Variants in GPR39 observed in about 807,000 individuals in gnomAD.
GPR39 encodes G protein-coupled receptor 39.
Under a neutral mutation model 18.4 loss-of-function variants are expected in GPR39, and 23 were observed. That is an observed-to-expected ratio of 1.25 (90% CI 0.90 to 1.77). GPR39 has a LOEUF of 1.77. GPR39 is among the 40% of genes most tolerant of loss of function. GPR39 has a pLI of 0.00. For synonymous variants in GPR39, 280 were observed against 257.9 expected (o/e 1.09, Z -0.82); for missense variants, 647 against 602.4 (o/e 1.07, Z -0.78).
At chr2:132,437,878 G>A (rs1011347276) in intron 1 of GPR39, among the ~76,000 whole-genome samples, 20 of 152,172 alleles carry the variant, frequency 1.3e-4, no homozygotes, top group Admixed American at 5.2e-4. Flanking sequence ...ATGTGACCTC[G>A]GGCAACATAC....
At chr2:132,630,164 G>A (rs150116986) in intron 1 of GPR39, among the ~76,000 whole-genome samples, 23 of 152,220 alleles carry the variant, frequency 1.5e-4, no homozygotes, top group Non-Finnish European at 2.8e-4. Flanking sequence ...CTCACATGGC[G>A]GTGCAAAGAC....
At chr2:132,614,717 AT>A (rs1023724473) in intron 1 of GPR39, among the ~76,000 whole-genome samples, 14 of 151,326 alleles carry the variant, frequency 9.3e-5, no homozygotes, top group African/African-American at 3.2e-4. Context: ...CACCAGGCTA[AT>A]TTTTTTTATC....
chr2:132,506,181 T>C (rs914694745), intron 1 of GPR39, among the ~76,000 whole-genome samples: 5 of 152,100 alleles, frequency 3.3e-5, no homozygotes, highest in Non-Finnish European at 5.9e-5. Context: ...CATATACTTA[T>C]CAGCCATTTC....
At chr2:132,419,009 A>G (rs942916743) in intron 1 of GPR39, among the ~76,000 whole-genome samples, 72 of 152,312 alleles carry the variant, frequency 4.7e-4, no homozygotes, top group African/African-American at 1.7e-3. Flanking sequence ...AGGCACTTGG[A>G]GAATGATGGA....
At chr2:132,511,633 C>T (rs1679242534) in intron 1 of GPR39, among the ~76,000 whole-genome samples, 1 of 152,170 alleles carries the variant, frequency 6.6e-6, no homozygotes, top group South Asian at 2.1e-4. Flanking sequence ...GTCATATTTG[C>T]TGCGGAAGGT....
intron 1 of GPR39, among the ~76,000 whole-genome samples, chr2:132,448,750 T>A (rs1399589944): frequency 6.6e-6 from 1 of 152,210 alleles, no homozygotes; most frequent in Non-Finnish European, 1.5e-5. Context: ...CTGCAATGTC[T>A]CTTCCATTTC....
chr2:132,422,901 A>G (rs532872486), intron 1 of GPR39, among the ~76,000 whole-genome samples: 225 of 152,100 alleles, frequency 1.5e-3, no homozygotes, highest in African/African-American at 5.2e-3. Context: ...TTCATCTGTC[A>G]GCCTCCTGGG....
intron 1 of GPR39, among the ~76,000 whole-genome samples, chr2:132,577,407 A>C (rs1165633682): frequency 6.6e-6 from 1 of 152,170 alleles, no homozygotes; most frequent in African/African-American, 2.4e-5. Flanking sequence ...TATTAGAATA[A>C]CCTTATCTAT....
intron 1 of GPR39, among the ~76,000 whole-genome samples, chr2:132,564,193 G>A (rs1286198517): frequency 6.6e-6 from 1 of 152,154 alleles, no homozygotes; most frequent in African/African-American, 2.4e-5. Context: ...CTGTGCTGGA[G>A]AGCGCTGGAG....
chr2:132,427,131 C>CATAT (rs199931479), intron 1 of GPR39, among the ~76,000 whole-genome samples: 3,860 of 80,006 alleles, frequency 0.048, 141 homozygotes, highest in African/African-American at 0.082. Context: ...TATATAGGTA[C>CATAT]ATATATATAT....
At chr2:132,501,326 A>G (rs533255803) in intron 1 of GPR39, among the ~76,000 whole-genome samples, 3 of 152,034 alleles carry the variant, frequency 2.0e-5, no homozygotes, top group Non-Finnish European at 2.9e-5. Flanking sequence ...TCTTGATTTC[A>G]TTGTTGACCC....
intron 1 of GPR39, among the ~76,000 whole-genome samples, chr2:132,569,190 T>A (rs750540726): frequency 6.6e-6 from 1 of 151,938 alleles, no homozygotes; most frequent in Non-Finnish European, 1.5e-5. Context: ...GAGCAAGAGG[T>A]GAAATAATTG....
chr2:132,481,598 G>A lies in GPR39; in HGVS notation c.856+63700G>A, dbSNP rs1681235861. Among the ~76,000 whole-genome samples, 4 of 152,202 alleles carry A rather than the reference G, an allele frequency of 2.6e-5. No individual in the cohort carries two copies. The South Asian group carries it at 8.3e-4, about 32-fold the overall frequency. On this transcript the variant is annotated intron_variant, in intron 1 of 1. Transcript: ENST00000329321. ...TTGTGAGCAAATGATTGCAAGTGCT[G>A]ACATGAAGTTGAGCTTTGTTTAACA...
intron 1 of GPR39, among the ~76,000 whole-genome samples, chr2:132,453,515 T>C (rs1209079827): frequency 6.6e-6 from 1 of 152,236 alleles, no homozygotes; most frequent in Admixed American, 6.5e-5. Flanking sequence ...TTGGCTTTTG[T>C]TGCCATTGCT....
chr2:132,506,583 T>C (rs1169986172), intron 1 of GPR39, among the ~76,000 whole-genome samples: 2 of 152,246 alleles, frequency 1.3e-5, no homozygotes, highest in East Asian at 1.9e-4. Context: ...AAATGTACAA[T>C]CATGGCAGAA....
chr2:132,446,186 C>G (rs1680535516), intron 1 of GPR39, among the ~76,000 whole-genome samples: 1 of 152,210 alleles, frequency 6.6e-6, no homozygotes, highest in Non-Finnish European at 1.5e-5. Context: ...TTTATTGAGA[C>G]TCTATACTGA....
At chr2:132,493,174 T>C (rs1264421619) in intron 1 of GPR39, among the ~76,000 whole-genome samples, 4 of 143,018 alleles carry the variant, frequency 2.8e-5, no homozygotes, top group Non-Finnish European at 4.5e-5. Context: ...ATATACACCA[T>C]ATATACACCA....
At chr2:132,471,317 A>C (rs1382341948) in intron 1 of GPR39, among the ~76,000 whole-genome samples, 1 of 151,902 alleles carries the variant, frequency 6.6e-6, no homozygotes. Context: ...CTCATTGATA[A>C]AGCTCTAGTC....
intron 1 of GPR39, among the ~76,000 whole-genome samples, chr2:132,612,426 GCTTA>G (rs773563793): frequency 1.3e-5 from 2 of 151,980 alleles, no homozygotes; most frequent in Non-Finnish European, 2.9e-5. Flanking sequence ...AGAACTCTTT[GCTTA>G]CTTCAAAGCA....
Sources: allele counts gnomAD v4.1 joint callset (sites outside exome capture counted in the v4.1 genomes callset), GRCh38; gene constraint gnomAD v4.1.1; transcripts MANE v1.5; gene names NCBI Gene and HGNC (gene_info 2026-07-23, HGNC 2026-07-21).